Variants in KLHL32 observed in about 807,000 individuals in gnomAD.
KLHL32 encodes the protein kelch-like protein 32.
KLHL32 carries 35 observed loss-of-function variants against 64.8 expected under a neutral mutation model. The observed-to-expected ratio is 0.54, with a 90% confidence interval of 0.41 to 0.72. The LOEUF (loss-of-function observed/expected upper bound fraction) is 0.72, where lower values mean the gene tolerates loss of function less well. Ranked by LOEUF, KLHL32 falls within the 30% of genes least tolerant of loss-of-function variation. The pLI is 0.00. For missense variants in KLHL32, 589 were observed against 768.5 expected (o/e 0.77, Z 2.76); for synonymous variants, 259 against 281.0 (o/e 0.92, Z 0.78).
In KLHL32 at chr6:97,127,454, C is replaced by A; in HGVS notation, c.1405C>A (p.Pro469Thr). ...QYQNRLMVYEPNQNKWISRSP... is the reference protein window; with the variant it reads ...QYQNRLMVYETNQNKWISRSP... ...TCAGAACAGGCTAATGGTGTATGAA[C>A]CTAACCAGGTAAGAATCATGTAAGA... The change falls in exon 8 of 11, where the codon CCT becomes ACT. Residue 469 changes from proline (P) to threonine (T), a missense_variant. Pro to Thr is a conservative substitution (Grantham distance 38). Coordinates refer to ENST00000369261, the MANE Select transcript of KLHL32 (RefSeq NM_052904.4). 1.2e-6 allele frequency: 2 copies of A among 1,611,876 alleles called. No individual in the cohort carries two copies. The highest frequency in any genetic ancestry group is 1.7e-6 in the Non-Finnish European group (2 of 1,178,300).
Position 96,931,226 on chromosome 6 carries a change from A to G in KLHL32, c.-66+6200A>G, listed in dbSNP as rs1582373749. Among the ~76,000 whole-genome samples, 9 of 152,182 alleles carry G rather than the reference A, an allele frequency of 5.9e-5. No homozygotes were observed. In the South Asian group the frequency reaches 1.7e-3, roughly 28 times the overall value. The stretch of plus-strand genomic sequence containing the variant: ...TCTATGTTTTTTTCTTTTTCTCTGC[A>G]CCACGACCTCACTCATTCCCTGTTC... On this transcript the variant is annotated intron_variant, in intron 1 of 10. Transcript: ENST00000369261.
intron 2 of KLHL32, among the ~76,000 whole-genome samples, chr6:96,975,447 A>C (rs998834384): frequency 6.6e-6 from 1 of 152,190 alleles, no homozygotes; most frequent in African/African-American, 2.4e-5. Context: ...ATTGCCTTTT[A>C]CATGGAATGG....
intron 3 of KLHL32, among the ~76,000 whole-genome samples, chr6:97,021,886 T>G (rs1170785473): frequency 1.3e-5 from 2 of 150,930 alleles, no homozygotes; most frequent in Non-Finnish European, 2.9e-5. Context: ...ATGGCAACTG[T>G]CCAGTTAATG....
chr6:96,999,628 A>G (rs1582650140), intron 3 of KLHL32: 1 of 479,588 alleles, frequency 2.1e-6, no homozygotes. Context: ...CTGTGAAGCT[A>G]TAATTTGCCT....
At chr6:97,051,860 A>G (rs80247659) in intron 4 of KLHL32, among the ~76,000 whole-genome samples, 11,099 of 152,202 alleles carry the variant, frequency 0.073, 876 homozygotes, top group Admixed American at 0.22. Flanking sequence ...AGAAAAAAAG[A>G]ACAATTGTGC....
chr6:96,994,589 A>C, intron 3 of KLHL32: 6 of 985,370 alleles, frequency 6.1e-6, no homozygotes, highest in Non-Finnish European at 7.2e-6. Context: ...GCTTTGATGG[A>C]TCTTTTCCTT....
At chr6:97,109,214 A>G (rs1796805359) in intron 6 of KLHL32, among the ~76,000 whole-genome samples, 1 of 152,250 alleles carries the variant, frequency 6.6e-6, no homozygotes, top group Non-Finnish European at 1.5e-5. Flanking sequence ...CAAGATGGTT[A>G]GTTGTAAATT....
At chr6:96,941,159 T>A (rs1283090340) in intron 1 of KLHL32, among the ~76,000 whole-genome samples, 1 of 152,224 alleles carries the variant, frequency 6.6e-6, no homozygotes. Context: ...GTTGAAATTT[T>A]AAAAAATAAA....
chr6:97,056,137 G>A (rs1191296398), intron 4 of KLHL32, among the ~76,000 whole-genome samples: 5 of 117,838 alleles, frequency 4.2e-5, no homozygotes, highest in Admixed American at 1.3e-4. Flanking sequence ...ATGAAGTCTC[G>A]CTCTGTCACC....
At chr6:97,034,151 A>G (rs1783971964) in intron 3 of KLHL32, among the ~76,000 whole-genome samples, 1 of 151,472 alleles carries the variant, frequency 6.6e-6, no homozygotes, top group South Asian at 2.1e-4. Flanking sequence ...TATTGTTTCA[A>G]GTCTTACATT....
intron 1 of KLHL32, among the ~76,000 whole-genome samples, chr6:96,955,065 G>C (rs1773098899): frequency 6.6e-6 from 1 of 152,166 alleles, no homozygotes; most frequent in Admixed American, 6.5e-5. Flanking sequence ...GAGGAAGCAA[G>C]CTCTGTTTTG....
chr6:97,018,648 T>G (rs1781570965), intron 3 of KLHL32, among the ~76,000 whole-genome samples: 1 of 151,454 alleles, frequency 6.6e-6, no homozygotes, highest in Non-Finnish European at 1.5e-5. Context: ...TAAAGAAATG[T>G]ACCTCAGAAA....
At chr6:96,935,123 T>C (rs1770427827) in intron 1 of KLHL32, among the ~76,000 whole-genome samples, 1 of 152,228 alleles carries the variant, frequency 6.6e-6, no homozygotes, top group Non-Finnish European at 1.5e-5. Flanking sequence ...AGGTTATGCA[T>C]GGCAGGATGT....
chr6:96,929,953 G>C (rs1769647668), intron 1 of KLHL32, among the ~76,000 whole-genome samples: 1 of 152,120 alleles, frequency 6.6e-6, no homozygotes, highest in South Asian at 2.1e-4. Flanking sequence ...AATGTCTTTG[G>C]CAGTTTTCAT....
At chr6:96,917,026 G>A in the KLHL32 span, among the ~76,000 whole-genome samples, 1 of 152,128 alleles carries the variant, frequency 6.6e-6, no homozygotes, top group East Asian at 1.9e-4. Context: ...ACAACCTTAG[G>A]AGAACCCTAT....
chr6:97,053,120 C>A lies in KLHL32; in HGVS notation c.313-11508C>A, dbSNP rs558616601. On this transcript the variant is annotated intron_variant, in intron 4 of 10. Transcript: ENST00000369261. ...CACACACACGCACACACATTCTCTCCTGACCTCATATTGTTTCCTCTTTTC... is the reference window on the plus strand; with the variant it reads ...CACACACACGCACACACATTCTCTCATGACCTCATATTGTTTCCTCTTTTC... Among the ~76,000 whole-genome samples the A allele has an allele frequency of 4.6e-5, 7 of 151,752 alleles. No individual in the cohort carries two copies. The South Asian group carries it at 1.0e-3, about 23-fold the overall frequency.
In KLHL32 at chr6:96,935,663, G is replaced by A. The variant is rs551982663; in HGVS notation, c.-66+10637G>A. On this transcript the variant is annotated intron_variant, in intron 1 of 10. Transcript: ENST00000369261. ...GGGAGTAATAGCCTTGGGCACAGCT[G>A]CTGAGTCTAATGTGTATTTCTAACT... is the stretch of plus-strand genomic sequence containing the variant. 2.0e-5 allele frequency among the ~76,000 whole-genome samples: 3 copies of A among 152,326 alleles called. No homozygotes were observed. The East Asian group carries it at 5.8e-4, about 29-fold the overall frequency.
At chr6:97,115,039 G>A (rs1393671960) in intron 7 of KLHL32, among the ~76,000 whole-genome samples, 1 of 152,164 alleles carries the variant, frequency 6.6e-6, no homozygotes, top group Admixed American at 6.5e-5. Context: ...GTTTCAGATA[G>A]GGTCTCACTC....
intron 3 of KLHL32, among the ~76,000 whole-genome samples, chr6:97,008,197 G>T (rs1249254246): frequency 6.6e-6 from 1 of 152,150 alleles, no homozygotes; most frequent in Admixed American, 6.5e-5. Context: ...AGGTTGTGGT[G>T]GGGGAAGACC....
Sources: allele counts gnomAD v4.1 joint callset (sites outside exome capture counted in the v4.1 genomes callset), GRCh38; gene constraint gnomAD v4.1.1; transcripts MANE v1.5; gene names NCBI Gene and HGNC (gene_info 2026-07-23, HGNC 2026-07-21).